Variants in A1CF observed in about 807,000 individuals in gnomAD.
The protein encoded by A1CF is APOBEC1 complementation factor.
In A1CF, 48 loss-of-function variants were observed where a neutral mutation model predicts 68.9. The observed-to-expected ratio is 0.70, with a 90% CI of 0.55 to 0.89. The LOEUF is 0.89. A1CF is among the 40% of genes least tolerant of loss of function. The pLI is 0.00. For missense variants in A1CF, 653 were observed against 718.9 expected (o/e 0.91, Z 1.05); for synonymous variants, 272 against 260.4 (o/e 1.04, Z -0.43).
chr10:50,862,667 C>A (rs898732013), intron 2 of A1CF, among the ~76,000 whole-genome samples: 8 of 152,320 alleles, frequency 5.3e-5, no homozygotes, highest in Non-Finnish European at 1.0e-4. Flanking sequence ...AGTTAACATG[C>A]CAGCTTCAGT....
At chr10:50,850,204 C>T (rs542901662) in intron 3 of A1CF, among the ~76,000 whole-genome samples, 22 of 152,238 alleles carry the variant, frequency 1.4e-4, no homozygotes, top group African/African-American at 4.8e-4. Flanking sequence ...TATGAGTCAC[C>T]TTCCTGTTTC....
chr10:50,841,716 T>C, intron 5 of A1CF, 146 bp downstream of exon 5: 1 of 871,656 alleles, frequency 1.1e-6, no homozygotes. Flanking sequence ...TTAATCAAAT[T>C]TATTTTTGCC....
At chr10:50,873,996 C>G (rs1159035093) in intron 1 of A1CF, among the ~76,000 whole-genome samples, 1 of 152,028 alleles carries the variant, frequency 6.6e-6, no homozygotes, top group African/African-American at 2.4e-5. Context: ...ATGTATATAT[C>G]TGTGTATATG....
intron 6 of A1CF, among the ~76,000 whole-genome samples, chr10:50,835,347 T>C (rs559146178): frequency 1.3e-5 from 2 of 152,308 alleles, no homozygotes; most frequent in Admixed American, 6.5e-5. Context: ...ATAATTTTCA[T>C]GAGAAAAGTT....
At chr10:50,826,257 A>G (rs778821320) in intron 7 of A1CF, among the ~76,000 whole-genome samples, 5 of 152,142 alleles carry the variant, frequency 3.3e-5, no homozygotes, top group Non-Finnish European at 7.4e-5. Context: ...TAAGTATGCA[A>G]TTATAATATT....
chr10:50,832,700 A>T (rs73326765), intron 6 of A1CF, among the ~76,000 whole-genome samples: 2,517 of 152,320 alleles, frequency 0.017, 55 homozygotes, highest in African/African-American at 0.056. Context: ...TTCCTTATCT[A>T]CAACCTACTA....
rs145606225 is a variant in A1CF, at chr10:50,808,282, T to G, written c.1610-1402A>C. Among the ~76,000 whole-genome samples, 318 of 152,316 alleles carry G rather than the reference T, an allele frequency of 2.1e-3. 2 individuals are homozygous for G. The highest frequency in any genetic ancestry group is 2.9e-3 in the Non-Finnish European group (198 of 68,034). The stretch of plus-strand genomic sequence containing the variant: ...AGTTATAAGAGAGGCTCTCAGATTC[T>G]TAGGCATTCCCAAGACAACACTCAT... On this transcript the variant is annotated intron_variant, in intron 12 of 12. Transcript: ENST00000373997.
At chr10:50,872,109 A>G (rs1398631925) in intron 1 of A1CF, among the ~76,000 whole-genome samples, 4 of 151,408 alleles carry the variant, frequency 2.6e-5, no homozygotes, top group African/African-American at 9.8e-5. Flanking sequence ...AATTTAAAGA[A>G]ATCAAAATAG....
chr10:50,873,395 C>T (rs1841364701), intron 1 of A1CF, among the ~76,000 whole-genome samples: 1 of 152,116 alleles, frequency 6.6e-6, no homozygotes, highest in Non-Finnish European at 1.5e-5. Context: ...GCCCCAAGTG[C>T]TTCTCAAGAC....
At chr10:50,823,528 G>T (rs957336459) in intron 7 of A1CF, 1 of 152,190 alleles carries the variant, frequency 6.6e-6, no homozygotes, top group African/African-American at 2.4e-5. Flanking sequence ...GAGGGTCATG[G>T]TTCCCGAAGT....
At position 50,828,253 on chromosome 10, in the gene A1CF, G is replaced by C. The variant is rs1377440980; in HGVS notation, c.647C>G (p.Ala216Gly). Residue 216 changes from alanine to glycine, a missense_variant, in exon 7 of 13, where the codon GCA (alanine) becomes GGA (glycine). By Grantham distance (60) the Ala-to-Gly change is moderately conservative. Transcript: ENST00000373997. ...LWGHGIAVDW[A>G]EPEVEVDEDT... is the part of the protein sequence containing the mutation. ...TTCATCAACTTCTACTTCTGGCTCT[G>C]CCCAGTCTACTGCAATACCATGTCC... The C allele has an allele frequency of 1.9e-6, 3 of 1,605,842 alleles. No individual in the cohort carries two copies. In the African/African-American group the frequency reaches 4.0e-5, roughly 21 times the overall value.
intron 12 of A1CF, among the ~76,000 whole-genome samples, chr10:50,807,608 G>A (rs916061252): frequency 2.0e-5 from 3 of 152,116 alleles, no homozygotes; most frequent in Admixed American, 1.3e-4. Context: ...AATAATCTAT[G>A]CGCTTTCATG....
At chr10:50,873,526 T>C (rs1841370773) in intron 1 of A1CF, among the ~76,000 whole-genome samples, 1 of 152,140 alleles carries the variant, frequency 6.6e-6, no homozygotes, top group South Asian at 2.1e-4. Context: ...TCTTTTTCTG[T>C]TTTATTCTTT....
intron 10 of A1CF, among the ~76,000 whole-genome samples, chr10:50,812,056 C>T (rs1332871928): frequency 1.3e-5 from 2 of 152,172 alleles, no homozygotes; most frequent in Non-Finnish European, 2.9e-5. Context: ...ATGATATTTT[C>T]CAGTTTATTA....
intron 3 of A1CF, chr10:50,850,651 G>A: frequency 6.2e-7 from 1 of 1,613,860 alleles, no homozygotes; most frequent in Non-Finnish European, 8.5e-7. Context: ...TCACTTCTAA[G>A]ACCCTCTGCT....
chr10:50,850,359 T>C (rs1338053649), intron 3 of A1CF, among the ~76,000 whole-genome samples: 1 of 152,208 alleles, frequency 6.6e-6, no homozygotes, highest in Non-Finnish European at 1.5e-5. Flanking sequence ...AATTTCCCTT[T>C]ATGTTTAAGG....
chr10:50,834,836 T>G (rs1489596087), intron 6 of A1CF, among the ~76,000 whole-genome samples: 1 of 151,886 alleles, frequency 6.6e-6, no homozygotes, highest in Non-Finnish European at 1.5e-5. Flanking sequence ...TTACATAAGG[T>G]TTAGAATATG....
intron 8 of A1CF, among the ~76,000 whole-genome samples, chr10:50,817,121 C>T (rs1838410530): frequency 1.3e-5 from 2 of 152,178 alleles, no homozygotes; most frequent in Non-Finnish European, 2.9e-5. Flanking sequence ...ACGTGTGCTA[C>T]TAACTTCTAT....
chr10:50,850,733 C>T, intron 3 of A1CF: 1 of 1,614,140 alleles, frequency 6.2e-7, no homozygotes, highest in Non-Finnish European at 8.5e-7. Flanking sequence ...CCAGGAATTG[C>T]TGTGCTCATG....
Sources: allele counts gnomAD v4.1 joint callset (sites outside exome capture counted in the v4.1 genomes callset), GRCh38; gene constraint gnomAD v4.1.1; transcripts MANE v1.5; gene names NCBI Gene and HGNC (gene_info 2026-07-23, HGNC 2026-07-21).